Variants in PCDHA9 observed in about 807,000 individuals in gnomAD.
PCDHA9 encodes protocadherin alpha 9, also known as protocadherin alpha-9.
In PCDHA9, 62 loss-of-function variants were observed where a neutral mutation model predicts 62.0. The observed-to-expected ratio is 1.00, with a 90% CI of 0.81 to 1.23. The LOEUF (loss-of-function observed/expected upper bound fraction) is 1.23, where lower values mean the gene tolerates loss of function less well. Ranked by LOEUF, PCDHA9 falls within the 50% of genes most tolerant of loss-of-function variation. PCDHA9 has a pLI of 0.00. For missense variants in PCDHA9, 1,205 were observed against 1,249.8 expected, an observed-to-expected ratio of 0.96 and a Z score of 0.54; for synonymous variants, 557 against 567.6, an observed-to-expected ratio of 0.98 and a Z score of 0.27.
At chr5:140,961,887 G>GTTT (rs35680913) in intron 1 of PCDHA9, among the ~76,000 whole-genome samples, 3 of 143,936 alleles carry the variant, frequency 2.1e-5, no homozygotes, top group Non-Finnish European at 3.1e-5. Context: ...ACTTACATCA[G>GTTT]TTTTTTTTTT....
intron 1 of PCDHA9, among the ~76,000 whole-genome samples, chr5:140,873,074 C>G (rs2054074747): frequency 6.6e-6 from 1 of 152,140 alleles, no homozygotes; most frequent in Non-Finnish European, 1.5e-5. Flanking sequence ...TCATATCTAG[C>G]TATTTCCCCC....
rs2150482959 is a variant in PCDHA9, at chr5:140,850,410, G to C, written c.1915G>C (p.Glu639Gln). The C allele has an allele frequency of 5.8e-5, 93 of 1,597,818 alleles. 8 individuals carry two copies. The highest frequency in any genetic ancestry group is 7.6e-5 in the Non-Finnish European group (89 of 1,167,718). Residue 639 changes from glutamate to glutamine, a missense_variant, in exon 1 of 4, where the codon GAA becomes CAA. Glu to Gln is a conservative substitution (Grantham distance 29, BLOSUM62 2). Coordinates refer to ENST00000532602, the MANE Select transcript of PCDHA9 (RefSeq NM_031857.2). ...GATCAGCACAACGCGTGCCCTGGAC[G>C]AAACGGACGCACCGCGCCAGCGCCT... ...GEISTTRALD[E>Q]TDAPRQRLLV... is the part of the protein sequence containing the mutation.
chr5:140,881,269 GAAGT>G (rs1235494766), intron 1 of PCDHA9: 1 of 648,656 alleles, frequency 1.5e-6, no homozygotes, highest in African/African-American at 2.0e-5. Context: ...CAGTGATGAT[GAAGT>G]AAGATGGAGA....
chr5:140,849,097 A>G lies in PCDHA9; in HGVS notation c.602A>G (p.Asp201Gly). Reference protein sequence around the residue: ...PLGLVLRKLLDREETPELHLL... With the variant: ...PLGLVLRKLLGREETPELHLL... ...GGACTTGTATTACGGAAACTTTTAGACAGAGAAGAAACTCCGGAGCTTCAT... is the reference window on the plus strand; with the variant it reads ...GGACTTGTATTACGGAAACTTTTAGGCAGAGAAGAAACTCCGGAGCTTCAT... The change falls in exon 1 of 4, where the codon GAC becomes GGC. Residue 201 changes from aspartate (D) to glycine (G), a missense_variant. Around this residue, in one of 3 missense-constraint regions of PCDHA9, gnomAD observed 110 missense variants for 227.2 expected, o/e 0.48. Transcript: ENST00000532602. 2 of 1,481,690 alleles carry G rather than the reference A, an allele frequency of 1.3e-6. No homozygotes were observed. Among genetic ancestry groups the G allele is most frequent in the Non-Finnish European group, 9.2e-7 (1 of 1,092,834 alleles). The allele number at this position is 1,481,690 out of a possible 1,614,324, so 91.8% of individuals were successfully genotyped here.
chr5:140,985,063 G>C (rs2097134230), intron 3 of PCDHA9, among the ~76,000 whole-genome samples: 1 of 151,948 alleles, frequency 6.6e-6, no homozygotes, highest in African/African-American at 2.4e-5. Flanking sequence ...TCAGCCTCCT[G>C]AGTAGCTGAG....
At position 140,993,501 on chromosome 5, in the gene PCDHA9, C is replaced by CACACAT. The variant is rs1554253793; in HGVS notation, c.2542+10943_2542+10944insTACACA. Reference sequence around the variant, plus strand: ...ACACACACACACACACACACACACACACACACACGGGGAGAGAGAGACAGA... The same window carrying CACACAT: ...ACACACACACACACACACACACACACACACATACACACACGGGGAGAGAGAGACAGA... On this transcript the variant is annotated intron_variant, in intron 3 of 3. Coordinates refer to ENST00000532602, the MANE Select transcript of PCDHA9 (RefSeq NM_031857.2). Among the ~76,000 whole-genome samples the CACACAT allele has an allele frequency of 3.4e-5, 5 of 148,992 alleles. No homozygotes were observed. The East Asian group carries it at 7.8e-4, about 23-fold the overall frequency.
At chr5:140,851,696 A>G (rs1174127809) in intron 1 of PCDHA9, 1 of 941,376 alleles carries the variant, frequency 1.1e-6, no homozygotes, top group African/African-American at 1.8e-5. Context: ...TGATAAAATG[A>G]TCAGCCATGT....
chr5:140,876,868 G>T, intron 1 of PCDHA9: 1 of 1,614,160 alleles, frequency 6.2e-7, no homozygotes, highest in Non-Finnish European at 8.5e-7. Flanking sequence ...GTTCGTGAAG[G>T]AGAACAACCC....
At chr5:140,887,442 T>C (rs2061450115) in intron 1 of PCDHA9, among the ~76,000 whole-genome samples, 1 of 152,180 alleles carries the variant, frequency 6.6e-6, no homozygotes, top group Non-Finnish European at 1.5e-5. Context: ...CTGGGCATAG[T>C]TGACAGTTTT....
At chr5:141,003,515 G>T (rs1402480495) in intron 3 of PCDHA9, among the ~76,000 whole-genome samples, 1 of 152,114 alleles carries the variant, frequency 6.6e-6, no homozygotes, top group African/African-American at 2.4e-5. Context: ...GTTTCACCAT[G>T]TTCCCTAGGC....
At chr5:140,884,520 C>A (rs782029549) in intron 1 of PCDHA9, 1 of 1,614,036 alleles carries the variant, frequency 6.2e-7, no homozygotes, top group Non-Finnish European at 8.5e-7. Flanking sequence ...TGGTCGTACT[C>A]GCAGCAGAGG....
chr5:140,870,718 G>C (rs2052330987), intron 1 of PCDHA9: 2 of 1,613,062 alleles, frequency 1.2e-6, no homozygotes. Context: ...CGCGCGCGAT[G>C]CGGGCGTGCC....
intron 1 of PCDHA9, among the ~76,000 whole-genome samples, chr5:140,911,947 G>C (rs559007219): frequency 6.6e-6 from 1 of 152,144 alleles, no homozygotes; most frequent in African/African-American, 2.4e-5. Context: ...TATATATAAA[G>C]GGGAGGTTAC....
chr5:140,851,487 C>T (rs1273932978), intron 1 of PCDHA9: 42 of 889,088 alleles, frequency 4.7e-5, no homozygotes, highest in Non-Finnish European at 5.1e-5. Context: ...TAAACACAGC[C>T]TTCATTTCAA....
intron 1 of PCDHA9, among the ~76,000 whole-genome samples, chr5:140,900,156 T>G (rs1219079675): frequency 3.3e-5 from 5 of 152,180 alleles, no homozygotes; most frequent in African/African-American, 1.2e-4. Flanking sequence ...CATACGATAT[T>G]TGTCTTTCTG....
chr5:140,863,572 A>T (rs2048074367), intron 1 of PCDHA9: 1 of 368,290 alleles, frequency 2.7e-6, no homozygotes, highest in African/African-American at 2.1e-5. Flanking sequence ...GAATATAAGT[A>T]CTGTAATCCT....
intron 1 of PCDHA9, among the ~76,000 whole-genome samples, chr5:140,922,582 G>T (rs548638056): frequency 6.6e-5 from 10 of 152,160 alleles, no homozygotes; most frequent in Non-Finnish European, 1.5e-4. Flanking sequence ...CCCTGTAGCC[G>T]CCAGTTCTCA....
In PCDHA9 at chr5:140,858,841, A is replaced by G. The variant is rs1390112804; in HGVS notation, c.2394+7952A>G. The G allele has an allele frequency of 1.6e-5, 5 of 314,504 alleles. No homozygotes were observed. The East Asian group carries it at 3.7e-4, about 23-fold the overall frequency. 19.5% of individuals were successfully genotyped at this position (314,504 alleles called of 1,614,324 possible). A position where few individuals can be genotyped will look rare whatever the true frequency, so the allele number is the denominator to read the frequency against. ...TGTATTTGCATTACCAAAAAATTCC[A>G]CTGATCTATATCTCTTCAGTGAAAA... On this transcript the variant is annotated intron_variant, in intron 1 of 3. Coordinates refer to ENST00000532602, the MANE Select transcript of PCDHA9 (RefSeq NM_031857.2).
chr5:140,902,599 G>T (rs981296505), intron 1 of PCDHA9, among the ~76,000 whole-genome samples: 3 of 152,024 alleles, frequency 2.0e-5, no homozygotes, highest in African/African-American at 7.2e-5. Flanking sequence ...GAAACAGGTC[G>T]TTTTCAGTTA....
Sources: allele counts gnomAD v4.1 joint callset (sites outside exome capture counted in the v4.1 genomes callset), GRCh38; gene constraint gnomAD v4.1.1; regional missense constraint gnomAD v4.1.1; transcripts MANE v1.5; gene names NCBI Gene and HGNC (gene_info 2026-07-23, HGNC 2026-07-21).